Variants in DNAH8 observed in about 807,000 individuals in gnomAD.
DNAH8 encodes axonemal beta dynein heavy chain 8.
Under a neutral mutation model 562.1 loss-of-function variants are expected in DNAH8, and 382 were observed. That is an observed-to-expected ratio of 0.68 (90% CI 0.63 to 0.74). DNAH8 has a LOEUF of 0.74. DNAH8 is among the 30% of genes least tolerant of loss of function. The pLI is 0.00. For synonymous variants in DNAH8, 1,881 were observed against 1,919.4 expected, an observed-to-expected ratio of 0.98 and a Z score of 0.52; for missense variants, 5,203 against 5,620.4, an observed-to-expected ratio of 0.93 and a Z score of 2.37.
intron 21 of DNAH8, among the ~76,000 whole-genome samples, chr6:38,796,051 G>A (rs990938441): frequency 1.3e-5 from 2 of 152,164 alleles, no homozygotes; most frequent in African/African-American, 4.8e-5. Context: ...GGCCAGCTGG[G>A]TCCCTTTTAG....
At chr6:38,952,510 T>C (rs1198784969) in intron 82 of DNAH8, among the ~76,000 whole-genome samples, 1 of 152,226 alleles carries the variant, frequency 6.6e-6, no homozygotes, top group East Asian at 1.9e-4. Flanking sequence ...GTCTTTTGAG[T>C]ATTACAGTGA....
intron 22 of DNAH8, 66 bp downstream of exon 22, chr6:38,803,377 C>CTAAGCAGAAGG: frequency 7.8e-7 from 1 of 1,289,768 alleles, no homozygotes; most frequent in Non-Finnish European, 1.1e-6. Flanking sequence ...TAAGCACCTT[C>CTAAGCAGAAGG]TGCTTAGCAG....
At chr6:38,849,413 G>A (rs1254936042) in intron 37 of DNAH8, among the ~76,000 whole-genome samples, 4 of 152,044 alleles carry the variant, frequency 2.6e-5, no homozygotes, top group Admixed American at 6.6e-5. Flanking sequence ...CTCTATTGGG[G>A]CCTTTTAAAT....
intron 21 of DNAH8, among the ~76,000 whole-genome samples, chr6:38,793,143 C>G (rs1229178581): frequency 6.6e-6 from 1 of 151,984 alleles, no homozygotes; most frequent in Non-Finnish European, 1.5e-5. Flanking sequence ...CTAAACAACC[C>G]ATTACATTAA....
At chr6:38,859,426 G>A (rs1294093576) in intron 42 of DNAH8, among the ~76,000 whole-genome samples, 1 of 152,204 alleles carries the variant, frequency 6.6e-6, no homozygotes, top group Non-Finnish European at 1.5e-5. Context: ...ACTGTAAATA[G>A]CAAGGAATAT....
chr6:39,026,421 C>T lies in DNAH8; in HGVS notation c.13715-125C>T. The T allele has an allele frequency of 3.0e-6, 3 of 1,009,222 alleles. No homozygotes were observed. In the South Asian group the frequency reaches 5.1e-5, roughly 17 times the overall value. The allele number at this position is 1,009,222 out of a possible 1,614,324, so 62.5% of individuals were successfully genotyped here. A position where few individuals can be genotyped will look rare whatever the true frequency, so the allele number is the denominator to read the frequency against. ...AAATGTCTCCCCTGGGGTTTGGCCT[C>T]AACTCCTTTTGAGATGGATGTGTAG... is the stretch of plus-strand genomic sequence containing the variant. On this transcript the variant is annotated intron_variant, in intron 91 of 92. Coordinates refer to ENST00000327475, the MANE Select transcript of DNAH8 (RefSeq NM_001206927.2).
intron 53 of DNAH8, among the ~76,000 whole-genome samples, chr6:38,877,819 T>C (rs553453060): frequency 2.6e-5 from 4 of 152,278 alleles, no homozygotes; most frequent in Admixed American, 2.0e-4. Flanking sequence ...ATATTAAAAA[T>C]ATAGAAAACT....
chr6:38,740,192 G>A (rs528834622), intron 7 of DNAH8, among the ~76,000 whole-genome samples: 84 of 152,168 alleles, frequency 5.5e-4, no homozygotes, highest in Admixed American at 1.2e-3. Flanking sequence ...CAGGCTAATT[G>A]TTTTTCAAAA....
At chr6:38,831,251 C>T (rs1168421276) in intron 30 of DNAH8, among the ~76,000 whole-genome samples, 1 of 151,776 alleles carries the variant, frequency 6.6e-6, no homozygotes, top group Non-Finnish European at 1.5e-5. Context: ...ATGTCAAAAC[C>T]TTGTCTCTAC....
intron 21 of DNAH8, among the ~76,000 whole-genome samples, chr6:38,800,176 G>A (rs1176367517): frequency 1.3e-5 from 2 of 151,456 alleles, no homozygotes; most frequent in Non-Finnish European, 2.9e-5. Flanking sequence ...CCACTTTTTG[G>A]CTACTGTAAA....
rs117990510 is a variant in DNAH8, at chr6:38,774,747, T to C, written c.1765-1007T>C. Among the ~76,000 whole-genome samples the C allele has an allele frequency of 1.2e-3, 183 of 152,256 alleles. 3 individuals are homozygous for C. The East Asian group carries it at 0.022, about 18-fold the overall frequency. The stretch of plus-strand genomic sequence containing the variant: ...CAGAGCAAGCCAGTAGTAGTTTGCT[T>C]TTGCTCTTTAAAGTAGGTGAGTGGA... On this transcript the variant is annotated intron_variant, in intron 12 of 92. Coordinates refer to ENST00000327475, the MANE Select transcript of DNAH8 (RefSeq NM_001206927.2).
chr6:38,989,302 A>G (rs770449219), intron 87 of DNAH8, among the ~76,000 whole-genome samples: 23 of 151,932 alleles, frequency 1.5e-4, no homozygotes, highest in Non-Finnish European at 2.5e-4. Flanking sequence ...ATTGCCTCAA[A>G]TCTGGCTCAT....
intron 12 of DNAH8, among the ~76,000 whole-genome samples, chr6:38,774,178 C>T (rs939585826): frequency 3.3e-5 from 5 of 152,146 alleles, no homozygotes; most frequent in African/African-American, 1.2e-4. Context: ...TCCCAGAGCT[C>T]TATCTTCAGT....
At position 38,860,490 on chromosome 6, in the gene DNAH8, GA is replaced by G. The variant is rs758233495; in HGVS notation, c.5994del (p.Glu1998AspfsTer3). On this transcript the variant is annotated frameshift_variant, in exon 43 of 93. Transcript: ENST00000327475. LOFTEE classifies it high-confidence loss of function. ...GCATATCAAATCACCTACTGACTTT[GA>G]ATGGCTAAAACAGAGTAGATTTTAT... ...KMHIKSPTDF[E>X]WLKQSRFYFK... 6.8e-7 allele frequency: 1 copy of G among 1,465,834 alleles called. No individual in the cohort carries two copies. 90.8% of individuals were successfully genotyped at this position (1,465,834 alleles called of 1,614,324 possible).
intron 88 of DNAH8, among the ~76,000 whole-genome samples, chr6:38,998,977 T>C (rs539546711): frequency 5.3e-5 from 8 of 152,296 alleles, no homozygotes; most frequent in African/African-American, 1.9e-4. Context: ...TTTGCAAACA[T>C]AAAATCACAT....
intron 28 of DNAH8, 67 bp downstream of exon 28, chr6:38,823,755 A>G: frequency 3.5e-6 from 4 of 1,139,968 alleles, no homozygotes; most frequent in South Asian, 1.6e-5. Flanking sequence ...TTATTTAGCA[A>G]GCAGTTATTA....
intron 92 of DNAH8, among the ~76,000 whole-genome samples, chr6:39,027,244 A>G (rs1277355882): frequency 1.3e-5 from 2 of 152,144 alleles, no homozygotes; most frequent in Non-Finnish European, 2.9e-5. Flanking sequence ...TAATAAATAA[A>G]TAAATAAATA....
intron 62 of DNAH8, 111 bp downstream of exon 62, chr6:38,900,017 T>G: frequency 1.0e-6 from 1 of 957,372 alleles, no homozygotes; most frequent in Non-Finnish European, 1.5e-6. Context: ...TAAGGTAAAC[T>G]TTAAGTATTA....
At chr6:38,856,885 G>A (rs1212909827) in intron 41 of DNAH8, among the ~76,000 whole-genome samples, 2 of 152,110 alleles carry the variant, frequency 1.3e-5, no homozygotes. Context: ...AGGGGTGAGG[G>A]TGGGGCATGC....
Sources: allele counts gnomAD v4.1 joint callset (sites outside exome capture counted in the v4.1 genomes callset), GRCh38; gene constraint gnomAD v4.1.1; transcripts MANE v1.5; gene names NCBI Gene and HGNC (gene_info 2026-07-23, HGNC 2026-07-21).